The following PDZRN4 variants were observed in gnomAD, a reference collection of about 807,000 sequenced individuals.
PDZRN4 encodes PDZ domain-containing RING finger protein 4.
Under a neutral mutation model 99.0 loss-of-function variants are expected in PDZRN4, and 70 were observed. The ratio of observed to expected loss-of-function variants is 0.71; its 90% CI spans 0.58 to 0.86. The LOEUF (loss-of-function observed/expected upper bound fraction) is 0.86. Ranked by LOEUF, PDZRN4 falls within the 40% of genes least tolerant of loss-of-function variation. The pLI, the probability that PDZRN4 is intolerant of heterozygous loss-of-function variation, is 0.00. For missense variants in PDZRN4, 1,474 were observed against 1,331.2 expected, an observed-to-expected ratio of 1.11 and a Z score of -1.67; for synonymous variants, 551 against 501.6, an observed-to-expected ratio of 1.10 and a Z score of -1.32.
chr12:41,273,930 G>A (rs189758769), intron 3 of PDZRN4, among the ~76,000 whole-genome samples: 1 of 152,136 alleles, frequency 6.6e-6, no homozygotes, highest in Non-Finnish European at 1.5e-5. Context: ...AATGCATCAA[G>A]ATCTAAAGTC....
chr12:41,303,366 A>C (rs1951549860), intron 3 of PDZRN4, among the ~76,000 whole-genome samples: 1 of 152,198 alleles, frequency 6.6e-6, no homozygotes, highest in South Asian at 2.1e-4. Flanking sequence ...GTTTGATCAC[A>C]GTTATGTATG....
intron 3 of PDZRN4, among the ~76,000 whole-genome samples, chr12:41,262,683 A>G (rs927782084): frequency 6.6e-6 from 1 of 151,740 alleles, no homozygotes; most frequent in African/African-American, 2.4e-5. Flanking sequence ...AAGTAAAACT[A>G]TAGAAGTGAT....
At chr12:41,506,320 AAT>A in intron 3 of PDZRN4, 134 bp from the exon 4 acceptor site, 1 of 684,974 alleles carries the variant, frequency 1.5e-6, no homozygotes, top group Non-Finnish European at 2.3e-6. Context: ...AGTAAATATT[AAT>A]ATCTGATTAA....
intron 3 of PDZRN4, among the ~76,000 whole-genome samples, chr12:41,194,513 T>C (rs996064057): frequency 6.6e-6 from 1 of 152,038 alleles, no homozygotes; most frequent in Non-Finnish European, 1.5e-5. Flanking sequence ...TGGTGGCACA[T>C]ACCTATGGTC....
chr12:41,530,116 C>G (rs1371937195), intron 5 of PDZRN4, among the ~76,000 whole-genome samples: 2 of 152,192 alleles, frequency 1.3e-5, no homozygotes. Flanking sequence ...ATCTACAATA[C>G]TCTGAGTGAT....
intron 3 of PDZRN4, among the ~76,000 whole-genome samples, chr12:41,247,195 T>A (rs531580355): frequency 1.5e-4 from 23 of 151,948 alleles, no homozygotes; most frequent in Admixed American, 4.6e-4. Flanking sequence ...GTTTAGAGAG[T>A]ATGGAGGAAC....
At chr12:41,357,380 T>C (rs931725294) in intron 3 of PDZRN4, among the ~76,000 whole-genome samples, 1 of 151,978 alleles carries the variant, frequency 6.6e-6, no homozygotes, top group Non-Finnish European at 1.5e-5. Flanking sequence ...ACTGAAGCCA[T>C]GGAAAGTTAA....
chr12:41,373,825 T>G (rs544892000), intron 3 of PDZRN4, among the ~76,000 whole-genome samples: 2 of 152,286 alleles, frequency 1.3e-5, no homozygotes, highest in South Asian at 4.1e-4. Flanking sequence ...CTTCACAGTT[T>G]ATGTTCAGAG....
intron 3 of PDZRN4, among the ~76,000 whole-genome samples, chr12:41,270,260 T>TTG (rs151300178): frequency 0.14 from 20,694 of 143,370 alleles, 2,114 homozygotes; most frequent in African/African-American, 0.31. Flanking sequence ...ATCGTAACTA[T>TTG]TGTGTGTGTG....
chr12:41,282,359 C>T (rs1015617594), intron 3 of PDZRN4, among the ~76,000 whole-genome samples: 1 of 152,194 alleles, frequency 6.6e-6, no homozygotes, highest in Non-Finnish European at 1.5e-5. Context: ...CAGGAGCACT[C>T]AGTTTCATAA....
At chr12:41,519,194 T>C (rs902534537) in intron 5 of PDZRN4, among the ~76,000 whole-genome samples, 42 of 152,030 alleles carry the variant, frequency 2.8e-4, no homozygotes, top group African/African-American at 1.0e-3. Flanking sequence ...CCTCCTAAAT[T>C]AAGCATGCTC....
chr12:41,437,662 G>T, intron 3 of PDZRN4: 1 of 939,604 alleles, frequency 1.1e-6, no homozygotes, highest in Non-Finnish European at 1.5e-6. Context: ...AATCTGTGTA[G>T]TCATGTGCAC....
At chr12:41,224,123 G>A (rs1429878150) in intron 3 of PDZRN4, among the ~76,000 whole-genome samples, 1 of 152,198 alleles carries the variant, frequency 6.6e-6, no homozygotes, top group East Asian at 1.9e-4. Context: ...GCATCTGAGA[G>A]GTCACCCATA....
At position 41,307,301 on chromosome 12, in the gene PDZRN4, C is replaced by T. The variant is rs1592005671; in HGVS notation, c.843+113113C>T. Among the ~76,000 whole-genome samples the T allele has an allele frequency of 2.0e-5, 3 of 152,264 alleles. No individual in the cohort carries two copies. The South Asian group carries it at 6.2e-4, about 32-fold the overall frequency. Reference sequence around the variant, plus strand: ...GCATGGTTGAGTTCTGGTGAGGGCTCTCTTCCTGGCATGCAGATGGCTGCC... The same window carrying T: ...GCATGGTTGAGTTCTGGTGAGGGCTTTCTTCCTGGCATGCAGATGGCTGCC... On this transcript the variant is annotated intron_variant, in intron 3 of 9. Coordinates refer to ENST00000402685, the MANE Select transcript of PDZRN4 (RefSeq NM_001164595.2).
intron 5 of PDZRN4, among the ~76,000 whole-genome samples, chr12:41,542,283 G>A (rs1020102558): frequency 9.2e-5 from 14 of 152,146 alleles, no homozygotes; most frequent in African/African-American, 3.1e-4. Flanking sequence ...ATTACAATAG[G>A]GATTTGAGCC....
chr12:41,437,763 G>GA, intron 3 of PDZRN4: 5 of 1,508,416 alleles, frequency 3.3e-6, no homozygotes, highest in Non-Finnish European at 4.4e-6. Context: ...AAGCGAAGAA[G>GA]AGCATGCTGC....
intron 3 of PDZRN4, among the ~76,000 whole-genome samples, chr12:41,453,885 G>A: frequency 1.4e-5 from 1 of 69,964 alleles, no homozygotes; most frequent in Non-Finnish European, 2.9e-5. Flanking sequence ...TGTTTATAAG[G>A]GTGCGTTTTT....
At chr12:41,199,519 A>G (rs891278472) in intron 3 of PDZRN4, among the ~76,000 whole-genome samples, 3 of 152,208 alleles carry the variant, frequency 2.0e-5, no homozygotes, top group African/African-American at 4.8e-5. Flanking sequence ...ATCTACCCAA[A>G]GGAACAAAAT....
At chr12:41,197,569 G>A (rs921926404) in intron 3 of PDZRN4, among the ~76,000 whole-genome samples, 6 of 152,136 alleles carry the variant, frequency 3.9e-5, no homozygotes, top group Non-Finnish European at 7.3e-5. Context: ...GTTACACTAG[G>A]TGTCAAAATA....
Sources: allele counts gnomAD v4.1 joint callset (sites outside exome capture counted in the v4.1 genomes callset), GRCh38; gene constraint gnomAD v4.1.1; transcripts MANE v1.5; gene names NCBI Gene and HGNC (gene_info 2026-07-23, HGNC 2026-07-21).